The following CIITA variants were observed in gnomAD, a reference collection of about 807,000 sequenced individuals.
CIITA encodes the protein class II major histocompatibility complex transactivator.
A neutral mutation model predicts 115.1 loss-of-function variants in CIITA; 72 were observed. The observed-to-expected ratio is 0.63, with a 90% CI of 0.52 to 0.76. The LOEUF is 0.76. CIITA is among the 30% of genes least tolerant of loss of function. The pLI is 0.00. For synonymous variants in CIITA, 763 were observed against 635.6 expected, an observed-to-expected ratio of 1.20 and a Z score of -3.02; for missense variants, 1,617 against 1,463.8, an observed-to-expected ratio of 1.10 and a Z score of -1.71.
chr16:10,886,971 G>A (rs958543566), intron 1 of CIITA, among the ~76,000 whole-genome samples: 4 of 152,240 alleles, frequency 2.6e-5, no homozygotes, highest in South Asian at 4.1e-4. Context: ...TTTGGGGCCA[G>A]TAAGGAACTG....
rs775994032 is a variant in CIITA at position 10,918,483 on chromosome 16, G to T, written c.3106G>T (p.Ala1036Ser). The change falls in exon 16 of 20, where the codon GCC becomes TCC. Residue 1036 changes from alanine to serine, a missense_variant. Transcript: ENST00000324288. ...CACTGACCTGGGTGCCTACAAACTC[G>T]CCGAGGCCCTGCCTTCGCTCGCTGC... ...NITDLGAYKL[A>S]EALPSLAASL... 4.3e-6 allele frequency: 7 copies of T among 1,614,122 alleles called. No individual in the cohort carries two copies. Among genetic ancestry groups the T allele is most frequent in the Non-Finnish European group, 5.1e-6 (6 of 1,180,020 alleles).
chr16:10,890,217 G>A (rs2037417392), intron 1 of CIITA, among the ~76,000 whole-genome samples: 1 of 152,070 alleles, frequency 6.6e-6, no homozygotes, highest in African/African-American at 2.4e-5. Flanking sequence ...TTTTTGCCCA[G>A]GCAACTTCTC....
At chr16:10,903,595 T>A (rs899964735) in intron 8 of CIITA, 136 bp from the exon 9 acceptor site, 3 of 935,624 alleles carry the variant, frequency 3.2e-6, no homozygotes, top group Non-Finnish European at 5.1e-6. Context: ...TCCTGAAATA[T>A]CTTCCTTTGG....
chr16:10,899,539 C>G (rs1157888082), intron 5 of CIITA, among the ~76,000 whole-genome samples: 2 of 152,222 alleles, frequency 1.3e-5, no homozygotes, highest in Non-Finnish European at 2.9e-5. Context: ...TTACGCCTTG[C>G]TCTCCCACTG....
intron 3 of CIITA, among the ~76,000 whole-genome samples, chr16:10,897,270 A>C (rs1389468190): frequency 6.6e-6 from 1 of 152,220 alleles, no homozygotes; most frequent in Non-Finnish European, 1.5e-5. Context: ...GTCCCAAGGC[A>C]GTGTGGGGCA....
At position 10,877,335 on chromosome 16, in the gene CIITA, G is replaced by A. The variant is rs755048657; in HGVS notation, c.5G>A (p.Arg2His). 5.6e-5 allele frequency: 91 copies of A among 1,612,870 alleles called. No homozygotes were observed. Among genetic ancestry groups the A allele is most frequent in the East Asian group, 6.7e-5 (3 of 44,850 alleles). ...CCTGGCTGGGATTCCTACACAATGC[G>A]TTGCCTGGCTCCACGCCCTGCTGGG... M[R>H]CLAPRPAGSY... The change falls in exon 1 of 20, where the codon CGT (arginine) becomes CAT (histidine). Residue 2 changes from arginine (R) to histidine (H), a missense_variant. Physicochemically the swap from Arg to His is conservative, Grantham distance 29. Coordinates refer to ENST00000324288, the MANE Select transcript of CIITA (RefSeq NM_000246.4).
In CIITA at chr16:10,941,581, C is replaced by G; in HGVS notation, n.707C>G. 1.4e-6 allele frequency: 2 copies of G among 1,460,098 alleles called. No individual in the cohort carries two copies. Among genetic ancestry groups the G allele is most frequent in the Non-Finnish European group, 1.8e-6 (2 of 1,105,596 alleles). 90.4% of individuals were successfully genotyped at this position (1,460,098 alleles called of 1,614,324 possible). A position where few individuals can be genotyped will look rare whatever the true frequency, so the allele number is the denominator to read the frequency against. ...AGAGGGCACTTACAGGCCTCGGAGG[C>G]AGGGGAGGGTCTCCTCCTGGGGAAC... On this transcript the variant is annotated non_coding_transcript_exon_variant, in exon 2 of 2. Transcript: ENST00000573379. This position sits in a 1 kb window ranked among gnomAD's most constrained non-coding sequence, Gnocchi z 6.4.
At position 10,922,235 on chromosome 16, in the gene CIITA, C is replaced by G; in HGVS notation, c.3218C>G (p.Ser1073Cys). The G allele has an allele frequency of 1.2e-6, 2 of 1,614,208 alleles. No homozygotes were observed. Among genetic ancestry groups the G allele is most frequent in the Admixed American group, 3.3e-5 (2 of 60,026 alleles). ...SLARVLPDMV[S>C]LRVMDVQYNK... The stretch of plus-strand genomic sequence containing the variant: ...GCTCGTGTGCTTCCGGACATGGTGT[C>G]CCTCCGGGTGATGGAGTGAGTGTGG... The change falls in exon 17 of 20, where the codon TCC (serine) becomes TGC (cysteine). Residue 1073 changes from serine (S) to cysteine (C), a missense_variant. By Grantham distance (112) the Ser-to-Cys change is moderately radical. Coordinates refer to ENST00000324288, the MANE Select transcript of CIITA (RefSeq NM_000246.4).
chr16:10,872,261 T>G (rs1479692299), upstream of CIITA, among the ~76,000 whole-genome samples: 1 of 152,090 alleles, frequency 6.6e-6, no homozygotes, highest in African/African-American at 2.4e-5. Flanking sequence ...TAGCTAGGAT[T>G]ACAGGCGCCT....
At chr16:10,873,885 C>G (rs1218191793), upstream of CIITA, among the ~76,000 whole-genome samples, 1 of 152,176 alleles carries the variant, frequency 6.6e-6, no homozygotes, top group Non-Finnish European at 1.5e-5. Context: ...CAGGAGAGAA[C>G]TGACTTTGTC....
intron 1 of CIITA, among the ~76,000 whole-genome samples, chr16:10,869,906 G>A (rs940334357): frequency 6.6e-6 from 1 of 152,154 alleles, no homozygotes; most frequent in Non-Finnish European, 1.5e-5. Flanking sequence ...ATGGATCTAT[G>A]TTTTGATCAC....
At chr16:10,866,570 G>T (rs1221333801) in intron 1 of CIITA, 1 of 535,714 alleles carries the variant, frequency 1.9e-6, no homozygotes, top group South Asian at 1.4e-5. Flanking sequence ...AGTGACCATG[G>T]TGGTAAGTTG....
chr16:10,890,346 C>T (rs1416306601), intron 1 of CIITA, among the ~76,000 whole-genome samples: 2 of 151,658 alleles, frequency 1.3e-5, no homozygotes, highest in Non-Finnish European at 2.9e-5. Context: ...TGCAGTGGTG[C>T]AATCTCAGTT....
downstream of CIITA, chr16:10,937,191 G>A (rs2041040549): frequency 6.6e-6 from 1 of 152,348 alleles, no homozygotes; most frequent in Non-Finnish European, 1.5e-5. This position sits in a 1 kb window ranked among gnomAD's most constrained non-coding sequence, Gnocchi z 4.2. Context: ...GTCAGGAGCA[G>A]AGCTGGAGAG....
At position 10,922,861 on chromosome 16, in the gene CIITA, A is replaced by G. The variant is rs2040349994; in HGVS notation, c.3318-367A>G. The G allele has an allele frequency of 6.1e-6, 3 of 494,582 alleles. No homozygotes were observed. The East Asian group carries it at 1.1e-4, about 18-fold the overall frequency. 30.6% of individuals were successfully genotyped at this position (494,582 alleles called of 1,614,324 possible). ...CAGGTTTATCTTTTATTAAGTCACC[A>G]TGATGTCCAATACTGGTTACTTTAT... On this transcript the variant is annotated intron_variant, in intron 18 of 19. Coordinates refer to ENST00000324288, the MANE Select transcript of CIITA (RefSeq NM_000246.4).
rs533651746 is a variant in CIITA at position 10,927,665 on chromosome 16, G to A, written c.*3810G>A. The A allele has an allele frequency of 1.2e-4, 18 of 152,334 alleles. No homozygotes were observed. The highest frequency in any genetic ancestry group is 3.6e-4 in the African/African-American group (15 of 41,572). 9.4% of individuals were successfully genotyped at this position (152,334 alleles called of 1,614,324 possible). On this transcript the variant is annotated 3_prime_UTR_variant, in exon 20 of 20. Coordinates refer to ENST00000324288, the MANE Select transcript of CIITA (RefSeq NM_000246.4). ...GTCTGGGTTCTGCTTGCCAAACTGG[G>A]AGTCCTGGTGTGGAGCCTTTTAACC...
rs373202577 is a variant in CIITA at position 10,920,895 on chromosome 16, G to A, written c.3150-1272G>A. On this transcript the variant is annotated intron_variant, in intron 16 of 19. Transcript: ENST00000324288. This position sits in a 1 kb window ranked among gnomAD's most constrained non-coding sequence, Gnocchi z 4.5. ...TTATTTATTTTTTTCTTTTTTTTTC[G>A]AGACAGAGTTTCGCTCTTGTTGCCA... 2.0e-5 allele frequency among the ~76,000 whole-genome samples: 3 copies of A among 150,996 alleles called. No individual in the cohort carries two copies. The highest frequency in any genetic ancestry group is 2.1e-4 in the South Asian group (1 of 4,786).
At chr16:10,877,046 G>T (rs887394139), upstream of CIITA, among the ~76,000 whole-genome samples, 4 of 152,232 alleles carry the variant, frequency 2.6e-5, no homozygotes, top group African/African-American at 9.6e-5. Context: ...CAGAGGTGTG[G>T]GGAGGGCTTA....
chr16:10,925,558 C>A lies in CIITA; in HGVS notation c.*1703C>A, dbSNP rs2040497360. 1 of 152,396 alleles carries A rather than the reference C, an allele frequency of 6.6e-6. No homozygotes were observed. The highest frequency in any genetic ancestry group is 6.5e-5 in the Admixed American group (1 of 15,288). 9.4% of individuals were successfully genotyped at this position (152,396 alleles called of 1,614,324 possible). ...CTCCTGGCCTCAAGTGATTCTCCTGCCTCAGCCTCCCAAAGTGCTGGGATT... is the reference window on the plus strand; with the variant it reads ...CTCCTGGCCTCAAGTGATTCTCCTGACTCAGCCTCCCAAAGTGCTGGGATT... On this transcript the variant is annotated 3_prime_UTR_variant, in exon 20 of 20. Transcript: ENST00000324288.
Sources: gnomAD v4.1 joint callset for allele counts (sites outside exome capture counted in the v4.1 genomes callset) on GRCh38, gnomAD v4.1.1 for gene constraint, Gnocchi (gnomAD v3.1) non-coding constraint, MANE v1.5 for transcripts, NCBI Gene and HGNC (gene_info 2026-07-23, HGNC 2026-07-21) for gene names.